The following SLIT3 variants were observed in gnomAD, a reference collection of about 807,000 sequenced individuals.
SLIT3 encodes the protein slit guidance ligand 3.
SLIT3 carries 68 observed loss-of-function variants against 184.0 expected under a neutral mutation model. That is an observed-to-expected ratio of 0.37 (90% CI 0.30 to 0.45). The LOEUF is 0.45. SLIT3 is among the 20% of genes least tolerant of loss of function. SLIT3 has a pLI of 1.00. For missense variants in SLIT3, 1,707 were observed against 2,026.0 expected (o/e 0.84, Z 3.02); for synonymous variants, 831 against 828.6 (o/e 1.00, Z -0.05).
chr5:169,149,513 C>T (rs912491143), intron 4 of SLIT3, among the ~76,000 whole-genome samples: 2 of 152,106 alleles, frequency 1.3e-5, no homozygotes, highest in East Asian at 3.9e-4. Context: ...ACCCCTGGTA[C>T]ACCCTCTAGT....
intron 16 of SLIT3, among the ~76,000 whole-genome samples, chr5:168,760,252 C>A (rs1186102831): frequency 6.6e-6 from 1 of 152,144 alleles, no homozygotes; most frequent in Non-Finnish European, 1.5e-5. Flanking sequence ...TTCTCATTAC[C>A]TTTATGACTA....
At chr5:168,915,372 C>T (rs1313204374) in intron 4 of SLIT3, among the ~76,000 whole-genome samples, 8 of 152,078 alleles carry the variant, frequency 5.3e-5, no homozygotes, top group Non-Finnish European at 1.2e-4. Flanking sequence ...GGTAGACAAG[C>T]GACTTTACAA....
intron 4 of SLIT3, among the ~76,000 whole-genome samples, chr5:169,062,566 C>T (rs1158593172): frequency 2.6e-5 from 4 of 152,256 alleles, no homozygotes; most frequent in African/African-American, 4.8e-5. Context: ...CCACTTTCCA[C>T]GCCTGTCCTA....
At chr5:169,125,706 C>A (rs1275814256) in intron 4 of SLIT3, among the ~76,000 whole-genome samples, 1 of 152,152 alleles carries the variant, frequency 6.6e-6, no homozygotes, top group Non-Finnish European at 1.5e-5. Context: ...CCCCTCCTAC[C>A]ACATTTTTCC....
chr5:169,273,298 T>C (rs888784), intron 1 of SLIT3, among the ~76,000 whole-genome samples: 98,596 of 152,102 alleles, frequency 0.65, 32,045 homozygotes, highest in Middle Eastern at 0.71. Flanking sequence ...AGTTTCTACC[T>C]GAGGCTTGGC....
intron 6 of SLIT3, among the ~76,000 whole-genome samples, chr5:168,829,085 C>T (rs1369640639): frequency 6.6e-6 from 1 of 152,150 alleles, no homozygotes; most frequent in African/African-American, 2.4e-5. Flanking sequence ...TGGGGCTCTC[C>T]ACTGCATCCC....
At chr5:168,803,189 T>C (rs1418869218) in intron 9 of SLIT3, among the ~76,000 whole-genome samples, 1 of 152,248 alleles carries the variant, frequency 6.6e-6, no homozygotes, top group Non-Finnish European at 1.5e-5. Context: ...TACACATAGA[T>C]AACACACAGA....
At chr5:168,697,787 C>A (rs1762104342) in intron 27 of SLIT3, among the ~76,000 whole-genome samples, 1 of 152,140 alleles carries the variant, frequency 6.6e-6, no homozygotes, top group African/African-American at 2.4e-5. Flanking sequence ...GGACTCTGGG[C>A]ACTCATGAAA....
Position 168,663,287 on chromosome 5 carries a change from G to A in SLIT3, c.*3167C>T, listed in dbSNP as rs1760931340. The A allele has an allele frequency of 6.6e-6, 1 of 152,196 alleles. No homozygotes were observed. 9.4% of individuals were successfully genotyped at this position (152,196 alleles called of 1,614,324 possible). A position where few individuals can be genotyped will look rare whatever the true frequency, so the allele number is the denominator to read the frequency against. Reference sequence around the variant, plus strand: ...TCAGATCCACCTGCCTAGGGGGAGAGGGGGGATGGGGCAATGGAGGTGGGG... The same window carrying A: ...TCAGATCCACCTGCCTAGGGGGAGAAGGGGGATGGGGCAATGGAGGTGGGG... On this transcript the variant is annotated 3_prime_UTR_variant, in exon 36 of 36. Coordinates refer to ENST00000519560, the MANE Select transcript of SLIT3 (RefSeq NM_003062.4).
chr5:168,984,256 C>A lies in SLIT3; in HGVS notation c.414-100920G>T, dbSNP rs929706033. Reference sequence around the variant, plus strand: ...AAGTAAATTAAAGTGCTGGTGAGCACGGGTAGGGGCAAGAACTCAATGTGG... The same window carrying A: ...AAGTAAATTAAAGTGCTGGTGAGCAAGGGTAGGGGCAAGAACTCAATGTGG... On this transcript the variant is annotated intron_variant, in intron 4 of 35. Transcript: ENST00000519560. 1.1e-4 allele frequency among the ~76,000 whole-genome samples: 16 copies of A among 152,150 alleles called. 1 individual carries two copies. Among genetic ancestry groups the A allele is most frequent in the Admixed American group, 3.3e-4 (5 of 15,266 alleles).
intron 5 of SLIT3, among the ~76,000 whole-genome samples, chr5:168,865,066 G>A (rs989919954): frequency 2.0e-5 from 3 of 151,624 alleles, no homozygotes; most frequent in Non-Finnish European, 4.4e-5. Context: ...TACTTGGGAG[G>A]CTGAGGCAGG....
intron 4 of SLIT3, among the ~76,000 whole-genome samples, chr5:169,048,880 C>A (rs532262351): frequency 5.3e-5 from 8 of 152,260 alleles, no homozygotes; most frequent in Non-Finnish European, 1.2e-4. Flanking sequence ...AATTAAGATA[C>A]TCTTCTTGAA....
In SLIT3 at chr5:168,844,713, G is replaced by A. The variant is rs1157270241; in HGVS notation, c.486-58C>T. 7.8e-6 allele frequency: 12 copies of A among 1,544,488 alleles called. No individual in the cohort carries two copies. The African/African-American group carries it at 1.5e-4, about 19-fold the overall frequency. ...AGCGGGGGCAGCGTGAGGGGCCGGC[G>A]GCCCAGGCCACCCGAGCGCCTGTCC... On this transcript the variant is annotated intron_variant, in intron 5 of 35. Coordinates refer to ENST00000519560, the MANE Select transcript of SLIT3 (RefSeq NM_003062.4).
chr5:168,757,939 A>G (rs1402096551), intron 16 of SLIT3, among the ~76,000 whole-genome samples: 1 of 152,246 alleles, frequency 6.6e-6, no homozygotes, highest in Non-Finnish European at 1.5e-5. Flanking sequence ...CAGAAAGGCT[A>G]AGGACATTCC....
intron 4 of SLIT3, chr5:169,119,921 T>G: frequency 6.6e-6 from 1 of 152,312 alleles, no homozygotes; most frequent in East Asian, 1.9e-4. Context: ...ATTTGTCACA[T>G]GACTTAAAGA....
intron 4 of SLIT3, among the ~76,000 whole-genome samples, chr5:168,942,270 C>T (rs2113209718): frequency 6.6e-6 from 1 of 152,320 alleles, no homozygotes; most frequent in South Asian, 2.1e-4. Flanking sequence ...CATGTAAAAA[C>T]AGTCTCAATG....
intron 4 of SLIT3, among the ~76,000 whole-genome samples, chr5:169,171,337 G>A (rs1209106923): frequency 2.0e-5 from 3 of 152,232 alleles, no homozygotes; most frequent in Admixed American, 1.3e-4. Context: ...GATGATCCTT[G>A]GAAAAAAAGG....
At chr5:168,944,306 T>A in intron 4 of SLIT3, among the ~76,000 whole-genome samples, 1 of 150,566 alleles carries the variant, frequency 6.6e-6, no homozygotes, top group South Asian at 2.1e-4. Flanking sequence ...AGGAGAGGAG[T>A]GAGAGAGAGA....
At chr5:169,195,816 G>A (rs1451917828) in intron 3 of SLIT3, among the ~76,000 whole-genome samples, 1 of 152,206 alleles carries the variant, frequency 6.6e-6, no homozygotes, top group East Asian at 1.9e-4. Context: ...GTGAGTCACC[G>A]TGCCCGGCTG....
Sources: gnomAD v4.1 joint callset for allele counts (sites outside exome capture counted in the v4.1 genomes callset) on GRCh38, gnomAD v4.1.1 for gene constraint, MANE v1.5 for transcripts, NCBI Gene and HGNC (gene_info 2026-07-23, HGNC 2026-07-21) for gene names.